DNAH10: variants seen among roughly 807,000 people sequenced by gnomAD.
DNAH10 encodes dynein axonemal heavy chain 10.
A neutral mutation model predicts 506.6 loss-of-function variants in DNAH10; 348 were observed. The ratio of observed to expected loss-of-function variants is 0.69; its 90% CI spans 0.63 to 0.75. The LOEUF is 0.75. DNAH10 is among the 30% of genes least tolerant of loss of function. The pLI is 0.00. For synonymous variants in DNAH10, 2,059 were observed against 2,198.6 expected, an observed-to-expected ratio of 0.94 and a Z score of 1.78; for missense variants, 5,179 against 5,787.1, an observed-to-expected ratio of 0.89 and a Z score of 3.41.
At chr12:123,812,634 A>G (rs980288677) in intron 19 of DNAH10, among the ~76,000 whole-genome samples, 2 of 152,158 alleles carry the variant, frequency 1.3e-5, no homozygotes, top group African/African-American at 4.8e-5. Context: ...GTTGGCCTTT[A>G]TGTTATAACA....
rs574724546 is a variant in DNAH10 at position 123,853,924 on chromosome 12, G to GCACGCA, written c.6438+588_6438+593dup. On this transcript the variant is annotated intron_variant, in intron 36 of 78. Transcript: ENST00000673944. The surrounding 1 kb of genome is among the most constrained non-coding windows in gnomAD (Gnocchi z 4.7). ...CACGCACATGTACACATACGCACAC[G>GCACGCA]CACGCACACGCACACGCACACACAC... Among the ~76,000 whole-genome samples the GCACGCA allele has an allele frequency of 3.1e-4, 47 of 149,592 alleles. No homozygotes were observed. The highest frequency in any genetic ancestry group is 5.0e-4 in the Non-Finnish European group (34 of 67,396).
chr12:123,856,702 A>T (rs1486518772), intron 36 of DNAH10, among the ~76,000 whole-genome samples: 1 of 148,446 alleles, frequency 6.7e-6, no homozygotes, highest in African/African-American at 2.4e-5. Context: ...TTTATATTTT[A>T]TGTTTAATCT....
intron 29 of DNAH10, among the ~76,000 whole-genome samples, chr12:123,839,022 T>C (rs1191718964): frequency 6.6e-6 from 1 of 152,060 alleles, no homozygotes; most frequent in African/African-American, 2.4e-5. Flanking sequence ...CTGTGTTACC[T>C]GGGCTGGTCT....
At chr12:123,772,783 G>A in intron 3 of DNAH10, 51 bp from the exon 4 acceptor site, 3 of 1,367,766 alleles carry the variant, frequency 2.2e-6, no homozygotes, top group Non-Finnish European at 3.1e-6. Flanking sequence ...AGGTTCTTTA[G>A]GTGAATGGAT....
chr12:123,908,148 CTCCCTGT>C (rs1376543209), intron 57 of DNAH10, among the ~76,000 whole-genome samples: 5 of 146,442 alleles, frequency 3.4e-5, no homozygotes, highest in African/African-American at 8.0e-5. Flanking sequence ...TCTCTGTCTC[CTCCCTGT>C]CTCCCTGTCT....
chr12:123,767,535 A>G, intron 1 of DNAH10, 71 bp from the exon 2 acceptor site: 1 of 1,458,024 alleles, frequency 6.9e-7, no homozygotes, highest in Non-Finnish European at 9.4e-7. Flanking sequence ...CACAGAAAGC[A>G]AAGATATCAG....
rs80047281 is a variant in DNAH10, at chr12:123,776,779, C to T, written c.621+2515C>T. Among the ~76,000 whole-genome samples the T allele has an allele frequency of 3.8e-3, 586 of 152,278 alleles. 10 individuals are homozygous for T. Among genetic ancestry groups the T allele is most frequent in the African/African-American group, 0.013 (545 of 41,554 alleles). ...AGCTCTGCGGGGAACTCAGGGCATCCGTCTAGCAAATATTCATTGAGCACC... is the reference window on the plus strand; with the variant it reads ...AGCTCTGCGGGGAACTCAGGGCATCTGTCTAGCAAATATTCATTGAGCACC... On this transcript the variant is annotated intron_variant, in intron 5 of 78. Coordinates refer to ENST00000673944, the MANE Select transcript of DNAH10 (RefSeq NM_001372106.1).
intron 25 of DNAH10, 135 bp downstream of exon 25, chr12:123,827,033 C>A: frequency 1.4e-6 from 1 of 703,894 alleles, no homozygotes; most frequent in South Asian, 2.2e-5. Flanking sequence ...TATACATGGG[C>A]ACGACACAGT....
At chr12:123,811,028 A>G (rs1045496995) in intron 19 of DNAH10, among the ~76,000 whole-genome samples, 2 of 152,184 alleles carry the variant, frequency 1.3e-5, no homozygotes, top group African/African-American at 2.4e-5. Context: ...TCTCTTAGAT[A>G]AGGTTAAAAA....
Position 123,928,856 on chromosome 12 carries a change from G to GC in DNAH10, c.12306+280dup, listed in dbSNP as rs11338827. The GC allele has an allele frequency of 8.8e-3, 3,671 of 417,990 alleles. 7 individuals carry two copies. The highest frequency in any genetic ancestry group is 0.023 in the East Asian group (549 of 23,384). 25.9% of individuals were successfully genotyped at this position (417,990 alleles called of 1,614,324 possible). ...TACGCTACTTTTCATAAACTTCACG[G>GC]CCCCCCCCCCCACACACAGCCTGCA... On this transcript the variant is annotated intron_variant, in intron 70 of 78. Transcript: ENST00000673944. The surrounding 1 kb of genome is among the most constrained non-coding windows in gnomAD (Gnocchi z 4.9).
chr12:123,868,391 C>G (rs1812978442), intron 43 of DNAH10, among the ~76,000 whole-genome samples: 1 of 152,180 alleles, frequency 6.6e-6, no homozygotes, highest in Admixed American at 6.5e-5. Flanking sequence ...GCTTCCTTTG[C>G]TCTTTAAACT....
At chr12:123,878,305 C>T (rs1260489685) in intron 48 of DNAH10, among the ~76,000 whole-genome samples, 2 of 152,076 alleles carry the variant, frequency 1.3e-5, no homozygotes, top group East Asian at 1.9e-4. Context: ...ATTTAAGTCA[C>T]GATATAGGGA....
Position 123,796,728 on chromosome 12 carries a change from G to T in DNAH10, c.2059G>T (p.Ala687Ser), listed in dbSNP as rs2136250428. The T allele has an allele frequency of 6.2e-7, 1 of 1,613,908 alleles. No homozygotes were observed. The highest frequency in any genetic ancestry group is 2.2e-5 in the East Asian group (1 of 44,878). ...PPLYKNHPPV[A>S]GAIYWERSLF... ...ACTGTATAAGAATCACCCTCCAGTA[G>T]CAGGTGCAATATACTGGGAACGATC... is the stretch of plus-strand genomic sequence containing the variant. The change falls in exon 13 of 79, where the codon GCA (alanine) becomes TCA (serine). Residue 687 changes from alanine to serine, a missense_variant. Ala to Ser is a moderately conservative substitution (Grantham distance 99, BLOSUM62 1). Transcript: ENST00000673944.
chr12:123,921,327 G>A (rs1020944440), intron 65 of DNAH10, among the ~76,000 whole-genome samples: 4 of 152,182 alleles, frequency 2.6e-5, no homozygotes, highest in African/African-American at 9.7e-5. Flanking sequence ...AGCATTCGTC[G>A]TGAAAACGTT....
chr12:123,783,051 T>C (rs754325189), intron 6 of DNAH10, 56 bp from the exon 7 acceptor site: 2 of 1,575,562 alleles, frequency 1.3e-6, no homozygotes, highest in Non-Finnish European at 1.7e-6. Flanking sequence ...TGAATGTTTC[T>C]CTTTGTAATC....
intron 13 of DNAH10, among the ~76,000 whole-genome samples, chr12:123,797,987 C>T (rs1008423874): frequency 6.6e-6 from 1 of 152,226 alleles, no homozygotes; most frequent in Non-Finnish European, 1.5e-5. Flanking sequence ...TTTGAACAGG[C>T]GTGGCTGTGT....
intron 36 of DNAH10, among the ~76,000 whole-genome samples, chr12:123,855,656 T>C (rs1021963087): frequency 7.2e-6 from 1 of 139,770 alleles, no homozygotes; most frequent in African/African-American, 2.6e-5. Flanking sequence ...AAAATAATAA[T>C]AAAAAGTATA....
chr12:123,813,708 T>G, intron 20 of DNAH10, 46 bp from the exon 21 acceptor site: 1 of 1,612,658 alleles, frequency 6.2e-7, no homozygotes, highest in Non-Finnish European at 8.5e-7. Context: ...GCGCCATTAC[T>G]GTTTTTTCTG....
intron 30 of DNAH10, among the ~76,000 whole-genome samples, chr12:123,844,836 G>A (rs577552646): frequency 2.6e-5 from 4 of 151,964 alleles, no homozygotes; most frequent in African/African-American, 7.2e-5. Flanking sequence ...ACAAGGTTTC[G>A]CTGTGTTGCC....
Sources: gnomAD v4.1 joint callset for allele counts (sites outside exome capture counted in the v4.1 genomes callset) on GRCh38, gnomAD v4.1.1 for gene constraint, Gnocchi (gnomAD v3.1) non-coding constraint, MANE v1.5 for transcripts, NCBI Gene and HGNC (gene_info 2026-07-23, HGNC 2026-07-21) for gene names.